The following RBFOX1 variants were observed in gnomAD, a reference collection of about 807,000 sequenced individuals.
RBFOX1 encodes the protein RNA binding protein fox-1 homolog 1.
A neutral mutation model predicts 57.7 loss-of-function variants in RBFOX1; 8 were observed. The observed-to-expected ratio is 0.14, with a 90% CI of 0.08 to 0.25. The LOEUF (loss-of-function observed/expected upper bound fraction) is 0.25. Among genes scored for constraint, RBFOX1 ranks in the 10% least tolerant of loss-of-function variants. RBFOX1 has a pLI of 1.00. For missense variants in RBFOX1, 611 were observed against 548.5 expected, an observed-to-expected ratio of 1.11 and a Z score of -1.14; for synonymous variants, 326 against 222.4, an observed-to-expected ratio of 1.47 and a Z score of -4.15.
At chr16:6,408,558 G>A (rs1348874075) in intron 2 of RBFOX1, among the ~76,000 whole-genome samples, 1 of 152,070 alleles carries the variant, frequency 6.6e-6, no homozygotes, top group Non-Finnish European at 1.5e-5. Flanking sequence ...CGTTATTGAT[G>A]GAACAAATGT....
intron 4 of RBFOX1, among the ~76,000 whole-genome samples, chr16:5,917,446 C>A (rs1457640120): frequency 6.6e-6 from 1 of 152,148 alleles, no homozygotes; most frequent in Non-Finnish European, 1.5e-5. Context: ...GAGGTTGAGA[C>A]GTTAAGTAAT....
intron 1 of RBFOX1, among the ~76,000 whole-genome samples, chr16:5,314,857 C>T (rs1024004779): frequency 2.0e-5 from 3 of 148,216 alleles, no homozygotes; most frequent in Non-Finnish European, 4.5e-5. Context: ...ACTTTCAGGT[C>T]AAAGAAAAAA....
intron 15 of RBFOX1, chr16:7,709,732 CTGGGTTTTTGTTTTGGGAGGGG>C: frequency 9.8e-7 from 1 of 1,016,050 alleles, no homozygotes; most frequent in Non-Finnish European, 1.2e-6. Flanking sequence ...TGGGGCAGGT[CTGGGTTTTTGTTTTGGGAGGGG>C]GTGGGGGGAG....
chr16:5,925,676 T>TTATA (rs56125353), intron 4 of RBFOX1, among the ~76,000 whole-genome samples: 3 of 152,002 alleles, frequency 2.0e-5, no homozygotes, highest in Admixed American at 6.6e-5. Context: ...AATATACATA[T>TTATA]TATATATATA....
intron 4 of RBFOX1, among the ~76,000 whole-genome samples, chr16:7,409,145 C>T (rs2098395147): frequency 6.6e-6 from 1 of 152,176 alleles, no homozygotes; most frequent in Non-Finnish European, 1.5e-5. Flanking sequence ...GGCCTGTGAT[C>T]AGGTTCCGGG....
At chr16:5,368,946 T>G (rs1165672817) in intron 1 of RBFOX1, among the ~76,000 whole-genome samples, 1 of 152,224 alleles carries the variant, frequency 6.6e-6, no homozygotes, top group African/African-American at 2.4e-5. Flanking sequence ...ATTCTAACTT[T>G]AGCTCACGTT....
intron 3 of RBFOX1, among the ~76,000 whole-genome samples, chr16:6,670,023 G>A (rs370574029): frequency 1.3e-5 from 2 of 152,070 alleles, no homozygotes; most frequent in Non-Finnish European, 1.5e-5. Flanking sequence ...CTATCTATCT[G>A]TCTATCTCTA....
intron 3 of RBFOX1, among the ~76,000 whole-genome samples, chr16:5,790,029 G>C (rs2054636130): frequency 6.6e-6 from 1 of 152,202 alleles, no homozygotes; most frequent in African/African-American, 2.4e-5. Context: ...GACCATGACT[G>C]TGGGTGTGGA....
intron 3 of RBFOX1, among the ~76,000 whole-genome samples, chr16:6,941,910 C>T (rs541832062): frequency 6.6e-6 from 1 of 152,090 alleles, no homozygotes; most frequent in African/African-American, 2.4e-5. Flanking sequence ...TGTGCTCAAG[C>T]AGTCCTCCCG....
intron 3 of RBFOX1, among the ~76,000 whole-genome samples, chr16:6,779,879 TTA>T (rs1228615512): frequency 1.2e-4 from 1 of 8,004 alleles, no homozygotes; most frequent in Non-Finnish European, 2.0e-4. Flanking sequence ...TTATATATAT[TTA>T]TATATATTTA....
intron 3 of RBFOX1, among the ~76,000 whole-genome samples, chr16:6,969,445 A>C (rs186995122): frequency 3.3e-5 from 5 of 151,944 alleles, no homozygotes; most frequent in Non-Finnish European, 5.9e-5. Context: ...ATTACATTCA[A>C]ATAAGGTGGC....
chr16:5,592,828 G>T (rs867472208), intron 2 of RBFOX1, among the ~76,000 whole-genome samples: 1 of 152,168 alleles, frequency 6.6e-6, no homozygotes, highest in African/African-American at 2.4e-5. Flanking sequence ...TTCCCAAGGA[G>T]ATATGTCAGA....
chr16:6,117,406 T>G (rs774028151), intron 1 of RBFOX1, among the ~76,000 whole-genome samples: 75 of 152,364 alleles, frequency 4.9e-4, no homozygotes, highest in Non-Finnish European at 8.1e-4. Flanking sequence ...CATACAATAT[T>G]AGATCACCTT....
chr16:6,820,813 G>A (rs1481997826), intron 3 of RBFOX1, among the ~76,000 whole-genome samples: 2 of 152,110 alleles, frequency 1.3e-5, no homozygotes, highest in Non-Finnish European at 2.9e-5. Context: ...ACAGATAAAT[G>A]GACCATTGGT....
chr16:7,040,770 C>A (rs1290077025), intron 3 of RBFOX1, among the ~76,000 whole-genome samples: 2 of 152,204 alleles, frequency 1.3e-5, no homozygotes, highest in Non-Finnish European at 2.9e-5. Flanking sequence ...TCATAGACAT[C>A]ATTCCTGAAA....
intron 3 of RBFOX1, among the ~76,000 whole-genome samples, chr16:5,641,295 T>C (rs1165831279): frequency 6.6e-6 from 1 of 152,066 alleles, no homozygotes; most frequent in Non-Finnish European, 1.5e-5. Flanking sequence ...GAGAATACAG[T>C]GGAAGGGAAA....
intron 4 of RBFOX1, among the ~76,000 whole-genome samples, chr16:7,375,919 C>T (rs901741394): frequency 6.6e-6 from 1 of 152,094 alleles, no homozygotes; most frequent in Admixed American, 6.6e-5. Context: ...CCACGTCCTG[C>T]CTTAAATGCG....
chr16:7,488,447 TTGTC>T (rs1567455987), intron 4 of RBFOX1, among the ~76,000 whole-genome samples: 22 of 146,724 alleles, frequency 1.5e-4, no homozygotes, highest in Middle Eastern at 3.5e-3. Context: ...CTTTCGTTGT[TTGTC>T]TATCATTCTA....
chr16:5,611,706 C>A (rs62016928), intron 3 of RBFOX1, among the ~76,000 whole-genome samples: 5 of 84,334 alleles, frequency 5.9e-5, no homozygotes, highest in Admixed American at 1.2e-4. Flanking sequence ...ACCCACTCTC[C>A]CATCCATCCA....
Sources: allele counts gnomAD v4.1 joint callset (sites outside exome capture counted in the v4.1 genomes callset), GRCh38; gene constraint gnomAD v4.1.1; transcripts MANE v1.5; gene names NCBI Gene and HGNC (gene_info 2026-07-23, HGNC 2026-07-21).